OR10S1: variants seen among roughly 807,000 people sequenced by gnomAD.
OR10S1 encodes the protein olfactory receptor 10S1.
For missense variants in OR10S1, 415 were observed against 407.9 expected, an observed-to-expected ratio of 1.02 and a Z score of -0.15; for synonymous variants, 167 against 164.1, an observed-to-expected ratio of 1.02 and a Z score of -0.13.
chr11:123,977,597 T>C, exon 1 of OR10S1: 1 of 1,611,566 alleles, frequency 6.2e-7, no homozygotes, highest in Non-Finnish European at 8.5e-7. Flanking sequence ...TTTAGCGGTG[T>C]ACCTCAAACC....
At chr11:123,977,284 G>A in exon 1 of OR10S1, 1 of 1,614,154 alleles carries the variant, frequency 6.2e-7, no homozygotes, top group African/African-American at 1.3e-5. Flanking sequence ...TAGCCAGATA[G>A]CGGTCATAGG....
At chr11:123,977,105 G>A (rs1272186136) in exon 1 of OR10S1, 2 of 1,614,098 alleles carry the variant, frequency 1.2e-6, no homozygotes, top group Admixed American at 1.7e-5. Context: ...TAGGACAGGG[G>A]GTATGTCGCA....
At chr11:123,976,718 G>A (rs1329044140) in exon 1 of OR10S1, 1 of 1,612,552 alleles carries the variant, frequency 6.2e-7, no homozygotes, top group Non-Finnish European at 8.5e-7. Context: ...GCTGCCTGCT[G>A]TAGACTCTCG....
At chr11:123,977,024 C>T (rs1863726252) in exon 1 of OR10S1, 8 of 1,614,160 alleles carry the variant, frequency 5.0e-6, no homozygotes, top group Non-Finnish European at 6.8e-6. Flanking sequence ...GATGAGGCAG[C>T]CTGCAGCCAC....
chr11:123,977,418 G>A, exon 1 of OR10S1: 1 of 1,614,124 alleles, frequency 6.2e-7, no homozygotes, highest in South Asian at 1.1e-5. Context: ...ATGACCTTGG[G>A]CACTGTCACT....
chr11:123,977,477 A>G, exon 1 of OR10S1: 2 of 1,614,096 alleles, frequency 1.2e-6, no homozygotes, highest in Non-Finnish European at 1.7e-6. Flanking sequence ...GAAGTGGTAC[A>G]TGGGTAAGCT....
exon 1 of OR10S1, chr11:123,977,505 C>T (rs17759513): frequency 0.24 from 391,666 of 1,613,028 alleles, 49,195 homozygotes; most frequent in Middle Eastern, 0.38. Context: ...GAGTCAGAGC[C>T]CACAGTTAGG....
Position 123,977,237 on chromosome 11 carries a change from CT to C in OR10S1, c.427del (p.Arg143GlufsTer14). 6.2e-7 allele frequency: 1 copy of C among 1,614,226 alleles called. No homozygotes were observed. The highest frequency in any genetic ancestry group is 8.5e-7 in the Non-Finnish European group (1 of 1,180,044). On this transcript the variant is annotated frameshift_variant, in exon 1 of 1. Coordinates refer to ENST00000641123, the Ensembl canonical transcript of OR10S1. LOFTEE classifies it low-confidence loss of function (END_TRUNC). Reference sequence around the variant, plus strand: ...TCCAGCCATTTCTGCACACATCCTTCTGTTCATGGCCACTGGGTAGTGCAGG... The same window carrying C: ...TCCAGCCATTTCTGCACACATCCTTCGTTCATGGCCACTGGGTAGTGCAGG...
At chr11:123,976,740 A>C in exon 1 of OR10S1, 2 of 1,614,106 alleles carry the variant, frequency 1.2e-6, no homozygotes, top group Non-Finnish European at 1.7e-6. Context: ...AAGCTGCTGC[A>C]CAAAAGCCTT....
chr11:123,977,608 C>T, exon 1 of OR10S1: 5 of 1,609,956 alleles, frequency 3.1e-6, no homozygotes, highest in Non-Finnish European at 4.2e-6. Flanking sequence ...ACCTCAAACC[C>T]TCCAGGAAGA....
In OR10S1 at chr11:123,977,766, C is replaced by G. The variant is rs1161495784; in HGVS notation, c.-102G>C. On this transcript the variant is annotated 5_prime_UTR_variant, in exon 1 of 1. Transcript: ENST00000641123. ...TCCTGAGATGTCATTATCCATCAAG[C>G]CACACCACCTTGGTCTTACCCAGTA... 2.2e-6 allele frequency: 3 copies of G among 1,341,404 alleles called. No homozygotes were observed. The South Asian group carries it at 3.9e-5, about 18-fold the overall frequency. 83.1% of individuals were successfully genotyped at this position (1,341,404 alleles called of 1,614,324 possible).
exon 1 of OR10S1, chr11:123,977,196 C>A (rs947541804): frequency 6.2e-7 from 1 of 1,614,076 alleles, no homozygotes; most frequent in Non-Finnish European, 8.5e-7. Context: ...TGCGTGGCAC[C>A]TATGGCCCAG....
chr11:123,977,103 G>C (rs777461055), exon 1 of OR10S1: 1 of 1,614,124 alleles, frequency 6.2e-7, no homozygotes, highest in African/African-American at 1.3e-5. Context: ...TTTAGGACAG[G>C]GGGTATGTCG....
exon 1 of OR10S1, chr11:123,977,079 C>T: frequency 3.1e-6 from 5 of 1,614,222 alleles, no homozygotes; most frequent in Non-Finnish European, 4.2e-6. Flanking sequence ...ATGGTGGTGT[C>T]TGTACAGGCG....
exon 1 of OR10S1, chr11:123,977,341 G>A: frequency 1.2e-6 from 2 of 1,614,168 alleles, no homozygotes; most frequent in Non-Finnish European, 1.7e-6. Context: ...GAAAGTGGAA[G>A]CAATAAAGCT....
exon 1 of OR10S1, chr11:123,976,976 A>G (rs779086483): frequency 3.7e-6 from 6 of 1,614,038 alleles, no homozygotes; most frequent in Non-Finnish European, 4.2e-6. Flanking sequence ...GATGCGCAAC[A>G]CAGCTGCCAC....
chr11:123,977,158 G>A, exon 1 of OR10S1: 1 of 1,614,226 alleles, frequency 6.2e-7, no homozygotes, highest in East Asian at 2.2e-5. Flanking sequence ...AGAGCAGGCG[G>A]AAGGTGAGGG....
At chr11:123,977,779 G>A (rs1863735678) in exon 1 of OR10S1, 3 of 1,149,454 alleles carry the variant, frequency 2.6e-6, no homozygotes, top group Admixed American at 4.0e-5. Context: ...CACCACCTTG[G>A]TCTTACCCAG....
exon 1 of OR10S1, chr11:123,976,718 G>C: frequency 6.2e-7 from 1 of 1,612,554 alleles, no homozygotes; most frequent in East Asian, 2.2e-5. Flanking sequence ...GCTGCCTGCT[G>C]TAGACTCTCG....
Sources: gnomAD v4.1 joint callset for allele counts on GRCh38, gnomAD v4.1.1 for gene constraint, MANE v1.5 for transcripts, NCBI Gene and HGNC (gene_info 2026-07-23, HGNC 2026-07-21) for gene names.